Variants in ARHGEF7 observed in about 807,000 individuals in gnomAD.
ARHGEF7 encodes the protein PAK-interacting exchange factor beta.
A neutral mutation model predicts 109.8 loss-of-function variants in ARHGEF7; 33 were observed. The observed-to-expected ratio is 0.30, with a 90% confidence interval of 0.23 to 0.40. The LOEUF (loss-of-function observed/expected upper bound fraction) is 0.40. Ranked by LOEUF, ARHGEF7 falls within the 10% of genes least tolerant of loss-of-function variation. The pLI, the probability that ARHGEF7 is intolerant of heterozygous loss-of-function variation, is 1.00. For synonymous variants in ARHGEF7, 458 were observed against 424.6 expected, an observed-to-expected ratio of 1.08 and a Z score of -0.97; for missense variants, 938 against 1,098.5, an observed-to-expected ratio of 0.85 and a Z score of 2.07.
intron 1 of ARHGEF7, among the ~76,000 whole-genome samples, chr13:111,138,007 G>C (rs1333004784): frequency 6.6e-6 from 1 of 152,152 alleles, no homozygotes; most frequent in African/African-American, 2.4e-5. Flanking sequence ...AAGAGTCTGG[G>C]TTGCCAGTTC....
At chr13:111,185,834 T>TG (rs775866231) in intron 2 of ARHGEF7, among the ~76,000 whole-genome samples, 1 of 152,152 alleles carries the variant, frequency 6.6e-6, no homozygotes, top group Non-Finnish European at 1.5e-5. Context: ...GCATGACCGC[T>TG]GTGGGACACC....
intron 3 of ARHGEF7, among the ~76,000 whole-genome samples, chr13:111,207,220 A>G (rs1566821702): frequency 6.6e-6 from 1 of 152,156 alleles, no homozygotes; most frequent in Non-Finnish European, 1.5e-5. Context: ...CCACGCTGGA[A>G]CACAGTGGTG....
chr13:111,122,148 C>CT (rs957525944), intron 1 of ARHGEF7, among the ~76,000 whole-genome samples: 11 of 152,240 alleles, frequency 7.2e-5, no homozygotes, highest in Admixed American at 6.5e-4. Flanking sequence ...GGTGGGCCTG[C>CT]TGAACGTGGC....
intron 8 of ARHGEF7, among the ~76,000 whole-genome samples, chr13:111,250,867 GGTA>G (rs1278725346): frequency 2.0e-5 from 3 of 152,164 alleles, no homozygotes; most frequent in African/African-American, 7.2e-5. Flanking sequence ...AAAGATGTAG[GGTA>G]AGGGATGGGA....
At chr13:111,283,504 T>C (rs2092881837) in intron 16 of ARHGEF7, 141 bp downstream of exon 16, 20 of 1,370,766 alleles carry the variant, frequency 1.5e-5, no homozygotes, top group Non-Finnish European at 1.9e-5. Flanking sequence ...TCTGCCTTGG[T>C]TCTCTGGTTA....
At chr13:111,201,272 T>G (rs1200268127) in intron 2 of ARHGEF7, among the ~76,000 whole-genome samples, 2 of 152,232 alleles carry the variant, frequency 1.3e-5, no homozygotes, top group Admixed American at 1.3e-4. Flanking sequence ...CATTCTATTT[T>G]ATGCCCAAAT....
intron 18 of ARHGEF7, 121 bp from the exon 19 acceptor site, chr13:111,291,997 C>G (rs1401480040): frequency 2.5e-6 from 2 of 798,092 alleles, no homozygotes; most frequent in African/African-American, 3.5e-5. Context: ...ACACTATTTT[C>G]TCTTTTCCTT....
intron 2 of ARHGEF7, among the ~76,000 whole-genome samples, chr13:111,173,215 C>T (rs2077764139): frequency 6.6e-6 from 1 of 152,174 alleles, no homozygotes; most frequent in Non-Finnish European, 1.5e-5. Context: ...CGTTTCTGGG[C>T]AGAAACAGCC....
At position 111,283,183 on chromosome 13, in the gene ARHGEF7, C is replaced by T. The variant is rs1034014447; in HGVS notation, c.1770C>T (p.Ser590=). ...PVTPSSKHAD[S]KPAPLTPAYH... ...CTCCGTCCAGCAAGCACGCAGACAG[C>T]AAGCCCGCGCCGCTGACGCCCGCCT... is the stretch of plus-strand genomic sequence containing the variant. Residue 590 remains serine (S), a synonymous_variant, in exon 16 of 22, where the codon AGC becomes AGT. Coordinates refer to ENST00000646102, the MANE Select transcript of ARHGEF7 (RefSeq NM_001354046.2). The T allele has an allele frequency of 1.3e-6, 2 of 1,596,676 alleles. No homozygotes were observed. The highest frequency in any genetic ancestry group is 1.7e-6 in the Non-Finnish European group (2 of 1,172,758).
intron 4 of ARHGEF7, among the ~76,000 whole-genome samples, chr13:111,213,391 T>C (rs1043148760): frequency 6.6e-6 from 1 of 152,178 alleles, no homozygotes; most frequent in Non-Finnish European, 1.5e-5. Context: ...GTTCATGTAT[T>C]GTGTGCATAC....
intron 2 of ARHGEF7, among the ~76,000 whole-genome samples, chr13:111,201,188 G>A (rs2081176925): frequency 6.6e-6 from 1 of 152,178 alleles, no homozygotes; most frequent in South Asian, 2.1e-4. Context: ...TACGATTGCA[G>A]AAATCTTCCT....
chr13:111,121,910 A>G (rs536154098), intron 1 of ARHGEF7, among the ~76,000 whole-genome samples: 8 of 152,170 alleles, frequency 5.3e-5, no homozygotes, highest in Admixed American at 1.3e-4. Context: ...AAATGAGTAG[A>G]TGTGCTGGGC....
intron 8 of ARHGEF7, among the ~76,000 whole-genome samples, chr13:111,247,090 A>C (rs1022371845): frequency 6.6e-6 from 1 of 152,198 alleles, no homozygotes; most frequent in East Asian, 1.9e-4. Flanking sequence ...CCACGGGGAA[A>C]TGGAATGTAC....
chr13:111,221,239 ATATG>A (rs1566869146), intron 5 of ARHGEF7, among the ~76,000 whole-genome samples: 407 of 39,568 alleles, frequency 0.01, 7 homozygotes, highest in South Asian at 0.017. Context: ...ATATAGATAT[ATATG>A]TCTATATATA....
intron 2 of ARHGEF7, among the ~76,000 whole-genome samples, chr13:111,194,490 C>T (rs571962702): frequency 5.5e-4 from 83 of 152,276 alleles, no homozygotes; most frequent in East Asian, 1.2e-3. Flanking sequence ...CAGTATAGGC[C>T]GTACTCATTC....
chr13:111,238,734 C>T (rs1246382562), intron 6 of ARHGEF7, among the ~76,000 whole-genome samples: 2 of 151,740 alleles, frequency 1.3e-5, no homozygotes, highest in South Asian at 2.1e-4. Flanking sequence ...AGTTGCCTCT[C>T]GGGGGGATGA....
intron 8 of ARHGEF7, among the ~76,000 whole-genome samples, chr13:111,257,007 A>T (rs1398236364): frequency 1.3e-5 from 2 of 152,214 alleles, no homozygotes; most frequent in East Asian, 1.9e-4. Context: ...GAAAACAGCT[A>T]ATTTAGATTG....
At chr13:111,219,457 G>GT (rs1226157736) in intron 5 of ARHGEF7, among the ~76,000 whole-genome samples, 1 of 152,184 alleles carries the variant, frequency 6.6e-6, no homozygotes, top group African/African-American at 2.4e-5. Context: ...GCATGGTTGT[G>GT]TAAGTATTTG....
intron 11 of ARHGEF7, 23 bp downstream of exon 11, chr13:111,274,813 T>TC (rs2092382664): frequency 2.2e-6 from 3 of 1,390,788 alleles, no homozygotes; most frequent in Admixed American, 5.3e-5. Context: ...GCATATTGTT[T>TC]TCCCCCCCAG....
Sources: gnomAD v4.1 joint callset for allele counts (sites outside exome capture counted in the v4.1 genomes callset) on GRCh38, gnomAD v4.1.1 for gene constraint, MANE v1.5 for transcripts, NCBI Gene and HGNC (gene_info 2026-07-23, HGNC 2026-07-21) for gene names.